The following STIM1 variants were observed in gnomAD, a reference collection of about 807,000 sequenced individuals.
The protein encoded by STIM1 is stromal interaction molecule 1.
Under a neutral mutation model 74.7 loss-of-function variants are expected in STIM1, and 25 were observed. That is an observed-to-expected ratio of 0.33 (90% confidence interval 0.24 to 0.47). The LOEUF is 0.47. Among genes scored for constraint, STIM1 ranks in the 20% least tolerant of loss-of-function variants. STIM1 has a pLI of 1.00. For synonymous variants in STIM1, 328 were observed against 348.8 expected (o/e 0.94, Z 0.66); for missense variants, 728 against 920.8 (o/e 0.79, Z 2.71).
intron 1 of STIM1, among the ~76,000 whole-genome samples, chr11:3,876,662 A>G (rs542729563): frequency 3.3e-5 from 5 of 152,140 alleles, no homozygotes; most frequent in Admixed American, 6.5e-5. Context: ...TCCTGCCTCC[A>G]TCTCCCAAAG....
At chr11:3,987,902 A>T (rs1253790365) in intron 2 of STIM1, among the ~76,000 whole-genome samples, 2 of 151,842 alleles carry the variant, frequency 1.3e-5, no homozygotes. Context: ...CCCCTCTTAG[A>T]GTTGATTAGA....
intron 3 of STIM1, among the ~76,000 whole-genome samples, chr11:4,040,647 C>G (rs978296469): frequency 2.6e-5 from 4 of 152,164 alleles, no homozygotes; most frequent in African/African-American, 9.7e-5. Flanking sequence ...AGGGCCTGGC[C>G]CAGAGTAGGA....
intron 4 of STIM1, among the ~76,000 whole-genome samples, chr11:4,057,422 T>TG (rs913287267): frequency 6.6e-6 from 1 of 152,138 alleles, no homozygotes; most frequent in Non-Finnish European, 1.5e-5. Flanking sequence ...CTTCAGTGCT[T>TG]GGGGTGAAGT....
intron 5 of STIM1, among the ~76,000 whole-genome samples, chr11:4,065,798 C>T (rs957352034): frequency 9.2e-5 from 14 of 152,110 alleles, no homozygotes; most frequent in Admixed American, 5.9e-4. Context: ...AGCTCTTACA[C>T]GTTAAACAGA....
intron 1 of STIM1, among the ~76,000 whole-genome samples, chr11:3,907,541 C>T (rs1175589144): frequency 6.6e-6 from 1 of 152,210 alleles, no homozygotes; most frequent in African/African-American, 2.4e-5. Flanking sequence ...CGTCTCTTGC[C>T]TGGTGAGATA....
At chr11:3,881,356 T>A (rs1438233973) in intron 1 of STIM1, among the ~76,000 whole-genome samples, 1 of 152,120 alleles carries the variant, frequency 6.6e-6, no homozygotes, top group Non-Finnish European at 1.5e-5. Context: ...CTATTGATCA[T>A]ATGATTATTT....
chr11:3,956,605 T>C (rs1229256955), intron 1 of STIM1, among the ~76,000 whole-genome samples: 1 of 151,948 alleles, frequency 6.6e-6, no homozygotes, highest in Non-Finnish European at 1.5e-5. Context: ...AAAATCACTT[T>C]AGGAAAGAGT....
chr11:3,906,990 G>A (rs994025460), intron 1 of STIM1, among the ~76,000 whole-genome samples: 1 of 152,026 alleles, frequency 6.6e-6, no homozygotes, highest in Non-Finnish European at 1.5e-5. Flanking sequence ...TAACACCAGC[G>A]TGCCTTCACT....
intron 1 of STIM1, among the ~76,000 whole-genome samples, chr11:3,904,196 CAAAAAAAA>C (rs57908154): frequency 8.3e-4 from 61 of 73,866 alleles, no homozygotes; most frequent in African/African-American, 2.9e-3. Flanking sequence ...GACTCTGTCT[CAAAAAAAA>C]AAAAAAAAAA....
At chr11:4,004,289 G>C (rs1404201331) in intron 2 of STIM1, among the ~76,000 whole-genome samples, 1 of 152,066 alleles carries the variant, frequency 6.6e-6, no homozygotes, top group South Asian at 2.1e-4. Flanking sequence ...TCAATCCTAA[G>C]CCAAAAGAAC....
At chr11:3,904,346 T>G (rs867465632) in intron 1 of STIM1, among the ~76,000 whole-genome samples, 1 of 152,024 alleles carries the variant, frequency 6.6e-6, no homozygotes, top group Non-Finnish European at 1.5e-5. Flanking sequence ...GCAGTGTGAC[T>G]GTGGAAGTGC....
intron 4 of STIM1, 133 bp from the exon 5 acceptor site, chr11:4,059,148 C>A (rs1355991038): frequency 2.3e-6 from 2 of 852,728 alleles, no homozygotes; most frequent in South Asian, 1.5e-5. Context: ...CTGGTATAGA[C>A]TCTGTGTTCT....
intron 2 of STIM1, among the ~76,000 whole-genome samples, chr11:4,014,641 A>G (rs1398491426): frequency 6.6e-6 from 1 of 152,168 alleles, no homozygotes; most frequent in African/African-American, 2.4e-5. Context: ...TCTAATATTG[A>G]CAGTGGGGTG....
In STIM1 at chr11:3,904,127, G is replaced by A. The variant is rs568117275; in HGVS notation, c.139+47718G>A. Among the ~76,000 whole-genome samples, 26 of 149,154 alleles carry A rather than the reference G, an allele frequency of 1.7e-4. No homozygotes were observed. The South Asian group carries it at 4.3e-3, about 25-fold the overall frequency. On this transcript the variant is annotated intron_variant, in intron 1 of 12. Transcript: ENST00000526596. ...CAGGAGAATTGCTTGAACCCGGGAG[G>A]CAGAGGTTGCAGTGAGCCGAGATCG...
intron 2 of STIM1, among the ~76,000 whole-genome samples, chr11:4,007,219 G>A (rs1442359529): frequency 2.6e-5 from 4 of 152,142 alleles, no homozygotes; most frequent in Non-Finnish European, 5.9e-5. Context: ...AGCCAATGTT[G>A]CATTCCCCAT....
chr11:3,876,391 G>T (rs992866362), intron 1 of STIM1, among the ~76,000 whole-genome samples: 2 of 152,038 alleles, frequency 1.3e-5, no homozygotes, highest in Admixed American at 1.3e-4. Context: ...GTGAGTTGAG[G>T]GAAAGGACTA....
chr11:3,961,479 A>G, intron 1 of STIM1: 1 of 166,144 alleles, frequency 6.0e-6, no homozygotes, highest in South Asian at 1.5e-4. Flanking sequence ...ATGGGATATC[A>G]AAGGACAATG....
At chr11:3,975,738 A>G (rs1184364324) in intron 2 of STIM1, among the ~76,000 whole-genome samples, 4 of 152,248 alleles carry the variant, frequency 2.6e-5, no homozygotes, top group Non-Finnish European at 5.9e-5. Context: ...CTAATAAGCT[A>G]TGAAAAGATA....
At position 3,970,446 on chromosome 11, in the gene STIM1, T is replaced by A. The variant is rs182954560; in HGVS notation, c.270+2764T>A. 1.2e-3 allele frequency among the ~76,000 whole-genome samples: 180 copies of A among 152,176 alleles called. No homozygotes were observed. The Middle Eastern group carries it at 0.02, about 17-fold the overall frequency. On this transcript the variant is annotated intron_variant, in intron 2 of 12. Coordinates refer to ENST00000526596, the MANE Select transcript of STIM1 (RefSeq NM_001382567.1). Reference sequence around the variant, plus strand: ...ATAGCCTTAGAGTTCAGGATCTAACTAGAAAGTTGGGTAGATATCTCAGGG... The same window carrying A: ...ATAGCCTTAGAGTTCAGGATCTAACAAGAAAGTTGGGTAGATATCTCAGGG...
Sources: gnomAD v4.1 joint callset for allele counts (sites outside exome capture counted in the v4.1 genomes callset) on GRCh38, gnomAD v4.1.1 for gene constraint, MANE v1.5 for transcripts, NCBI Gene and HGNC (gene_info 2026-07-23, HGNC 2026-07-21) for gene names.